The following NCKAP5L variants were observed in gnomAD, a reference collection of about 807,000 sequenced individuals.
The protein encoded by NCKAP5L is nck-associated protein 5-like.
A neutral mutation model predicts 103.2 loss-of-function variants in NCKAP5L; 54 were observed. The ratio of observed to expected loss-of-function variants is 0.52; its 90% CI spans 0.42 to 0.66. The LOEUF (loss-of-function observed/expected upper bound fraction) is 0.66. Among genes scored for constraint, NCKAP5L ranks in the 30% least tolerant of loss-of-function variants. The probability of loss-of-function intolerance (pLI) is 0.00; values close to 1 mark genes in which losing one functional copy is unlikely to be tolerated. For missense variants in NCKAP5L, 1,733 were observed against 1,750.6 expected (o/e 0.99, Z 0.18); for synonymous variants, 762 against 748.6 (o/e 1.02, Z -0.29).
Position 49,796,534 on chromosome 12 carries a change from C to G in NCKAP5L, c.1326G>C (p.Gly442=). The G allele has an allele frequency of 6.3e-7, 1 of 1,576,764 alleles. No individual in the cohort carries two copies. The highest frequency in any genetic ancestry group is 1.9e-5 in the Admixed American group (1 of 53,122). Residue 442 remains glycine (G), a synonymous_variant, in exon 8 of 13, where the codon GGG becomes GGC. Coordinates refer to ENST00000335999, the MANE Select transcript of NCKAP5L (RefSeq NM_001037806.4). The part of the protein sequence containing the change: ...SKLQIGPPSP[G]EAQGPLLPSP... The stretch of plus-strand genomic sequence containing the variant: ...AGGGCAGAAGGGGTCCCTGAGCTTC[C>G]CCAGGAGAAGGGGGGCCAATTTGGA...
chr12:49,819,816 G>A (rs909658438), intron 1 of NCKAP5L, among the ~76,000 whole-genome samples: 1 of 152,228 alleles, frequency 6.6e-6, no homozygotes, highest in African/African-American at 2.4e-5. Flanking sequence ...AGCTGAAACC[G>A]TTTTTCAGAA....
chr12:49,809,764 G>A (rs931366657), intron 1 of NCKAP5L, among the ~76,000 whole-genome samples: 28 of 152,110 alleles, frequency 1.8e-4, no homozygotes, highest in Non-Finnish European at 7.4e-5. Flanking sequence ...CTTCTAGCCT[G>A]AAAGGGGCCA....
chr12:49,792,073 G>T lies in NCKAP5L; in HGVS notation c.3793-22C>A. 1 of 1,502,988 alleles carries T rather than the reference G, an allele frequency of 6.7e-7. No individual in the cohort carries two copies. The highest frequency in any genetic ancestry group is 2.3e-5 in the East Asian group (1 of 43,306). 93.1% of individuals were successfully genotyped at this position (1,502,988 alleles called of 1,614,324 possible). A position where few individuals can be genotyped will look rare whatever the true frequency, so the allele number is the denominator to read the frequency against. On this transcript the variant is annotated intron_variant, in intron 12 of 12. Coordinates refer to ENST00000335999, the MANE Select transcript of NCKAP5L (RefSeq NM_001037806.4). The surrounding 1 kb of genome is among the most constrained non-coding windows in gnomAD (Gnocchi z 4.5). ...GGGCCTGGGAAAGGAGGGGCAGCTC[G>T]GGAGGAAGCTCCTCTCCACCTTTCG...
chr12:49,816,940 C>T (rs915681834), intron 1 of NCKAP5L, among the ~76,000 whole-genome samples: 5 of 151,856 alleles, frequency 3.3e-5, no homozygotes, highest in Admixed American at 1.3e-4. Context: ...TAGCTGGGGG[C>T]GATTCAGAGA....
At chr12:49,801,718 C>A (rs1946120121) in intron 6 of NCKAP5L, 130 bp downstream of exon 6, 9 of 1,172,392 alleles carry the variant, frequency 7.7e-6, no homozygotes, top group Admixed American at 2.2e-5. Context: ...AGTTTCCATA[C>A]CCCCAGAATG....
chr12:49,793,804 G>T lies in NCKAP5L; in HGVS notation c.3188C>A (p.Pro1063His). The change falls in exon 9 of 13, where the codon CCC becomes CAC. Residue 1063 changes from proline to histidine, a missense_variant. Pro to His is a moderately conservative substitution (Grantham distance 77). Transcript: ENST00000335999. The stretch of plus-strand genomic sequence containing the variant: ...ATTCCGGGGCCCACAGGCTGGCCAG[G>T]GGCTCTTGGGGTCAGAAGACACCGG... ...FQPVSSDPKSPWPACGPRNGL... is the reference protein window; with the variant it reads ...FQPVSSDPKSHWPACGPRNGL... The T allele has an allele frequency of 6.2e-7, 1 of 1,602,662 alleles. No homozygotes were observed. The highest frequency in any genetic ancestry group is 8.5e-7 in the Non-Finnish European group (1 of 1,174,690).
chr12:49,791,683 G>T lies in NCKAP5L; in HGVS notation c.*156C>A. 1 of 612,910 alleles carries T rather than the reference G, an allele frequency of 1.6e-6. No homozygotes were observed. Among genetic ancestry groups the T allele is most frequent in the Non-Finnish European group, 2.8e-6 (1 of 361,082 alleles). The allele number at this position is 612,910 out of a possible 1,614,324, so 38.0% of individuals were successfully genotyped here. On this transcript the variant is annotated 3_prime_UTR_variant, in exon 13 of 13. Coordinates refer to ENST00000335999, the MANE Select transcript of NCKAP5L (RefSeq NM_001037806.4). Reference sequence around the variant, plus strand: ...CATCTCATCCGCCGAAGCAGTGGGTGGTGGGGTGTGCCAGGGACCCCCTTT... The same window carrying T: ...CATCTCATCCGCCGAAGCAGTGGGTTGTGGGGTGTGCCAGGGACCCCCTTT...
At chr12:49,821,408 T>C (rs1226185116) in intron 1 of NCKAP5L, among the ~76,000 whole-genome samples, 1 of 152,180 alleles carries the variant, frequency 6.6e-6, no homozygotes, top group Non-Finnish European at 1.5e-5. Flanking sequence ...GGGTCTCCTG[T>C]CTTGGACACA....
chr12:49,822,936 C>T (rs961865732), intron 1 of NCKAP5L, among the ~76,000 whole-genome samples: 1 of 152,152 alleles, frequency 6.6e-6, no homozygotes, highest in Non-Finnish European at 1.5e-5. Context: ...AAGTTGATTT[C>T]CAAAGCTCCT....
At chr12:49,826,078 G>A (rs1357982703) in intron 1 of NCKAP5L, among the ~76,000 whole-genome samples, 1 of 152,050 alleles carries the variant, frequency 6.6e-6, no homozygotes, top group Non-Finnish European at 1.5e-5. Context: ...GCTGGATGAG[G>A]GCGGTGGGGA....
intron 1 of NCKAP5L, among the ~76,000 whole-genome samples, chr12:49,810,680 C>T (rs72644870): frequency 2.0e-5 from 3 of 152,296 alleles, no homozygotes; most frequent in East Asian, 3.9e-4. Context: ...GAGAAGCCAG[C>T]TTCCTTCTAT....
intron 1 of NCKAP5L, among the ~76,000 whole-genome samples, chr12:49,819,156 C>T (rs544376261): frequency 6.6e-6 from 1 of 151,338 alleles, no homozygotes; most frequent in Admixed American, 6.6e-5. Flanking sequence ...ATTAAAACTA[C>T]AAAAAATTAG....
chr12:49,799,196 C>T (rs895960416), intron 6 of NCKAP5L, among the ~76,000 whole-genome samples: 5 of 152,202 alleles, frequency 3.3e-5, no homozygotes, highest in Non-Finnish European at 7.3e-5. Flanking sequence ...CTGCACTACT[C>T]AGCATCTCAT....
At chr12:49,799,635 C>G (rs999806755) in intron 6 of NCKAP5L, among the ~76,000 whole-genome samples, 1 of 152,142 alleles carries the variant, frequency 6.6e-6, no homozygotes, top group Non-Finnish European at 1.5e-5. Flanking sequence ...TTTTCTAAAG[C>G]ATTTTTGTGC....
In NCKAP5L at chr12:49,795,024, C is replaced by T. The variant is rs566493955; in HGVS notation, c.2836G>A (p.Gly946Arg). Residue 946 changes from glycine (G) to arginine (R), a missense_variant, in exon 8 of 13, where the codon GGG becomes AGG. By Grantham distance (125) the Gly-to-Arg change is moderately radical. Coordinates refer to ENST00000335999, the MANE Select transcript of NCKAP5L (RefSeq NM_001037806.4). ...EATKNKEGAG[G>R]GSPLRREVKM... Reference sequence around the variant, plus strand: ...ACTTCCCTCCGGAGCGGGGAGCCCCCGCCAGCCCCCTCCTTGTTCTTGGTG... The same window carrying T: ...ACTTCCCTCCGGAGCGGGGAGCCCCTGCCAGCCCCCTCCTTGTTCTTGGTG... The T allele has an allele frequency of 6.8e-6, 11 of 1,606,738 alleles. No individual in the cohort carries two copies. Among genetic ancestry groups the T allele is most frequent in the Admixed American group, 5.1e-5 (3 of 58,936 alleles).
intron 1 of NCKAP5L, among the ~76,000 whole-genome samples, chr12:49,813,055 AT>A (rs758224262): frequency 2.0e-5 from 3 of 151,954 alleles, no homozygotes; most frequent in Non-Finnish European, 2.9e-5. Flanking sequence ...TTTTTAATTG[AT>A]TTTTCCCCCA....
chr12:49,818,845 C>T (rs2336448), intron 1 of NCKAP5L, among the ~76,000 whole-genome samples: 84,120 of 151,858 alleles, frequency 0.55, 25,351 homozygotes, highest in East Asian at 0.79. Flanking sequence ...TTGTACACCA[C>T]TGGAGGGAAT....
chr12:49,791,535 C>T lies in NCKAP5L; in HGVS notation c.*304G>A. ...GCCCAGCACCACAAGATGGCTCAGC[C>T]TGAAGTAGGGACTGGAGGGCTGCGA... On this transcript the variant is annotated 3_prime_UTR_variant, in exon 13 of 13. Transcript: ENST00000335999. 3.7e-6 allele frequency: 1 copy of T among 266,940 alleles called. No individual in the cohort carries two copies. The highest frequency in any genetic ancestry group is 7.0e-6 in the Non-Finnish European group (1 of 142,180). The allele number at this position is 266,940 out of a possible 1,614,324, so 16.5% of individuals were successfully genotyped here.
In NCKAP5L at chr12:49,796,884, A is replaced by G. The variant is rs3741554; in HGVS notation, c.976T>C (p.Leu326=). 2.5e-6 allele frequency: 4 copies of G among 1,611,688 alleles called. No homozygotes were observed. Among genetic ancestry groups the G allele is most frequent in the Non-Finnish European group, 3.4e-6 (4 of 1,179,378 alleles). ...TLLGALARRQ[L]NLGQLLEDTE... ...TCCTCAAGGAGCTGGCCCAGGTTCA[A>G]CTGTCTGCGGGCCAGGGCACCGAGC... Residue 326 remains leucine, a synonymous_variant, in exon 8 of 13, where the codon TTG becomes CTG. Coordinates refer to ENST00000335999, the MANE Select transcript of NCKAP5L (RefSeq NM_001037806.4).
Sources: gnomAD v4.1 joint callset for allele counts (sites outside exome capture counted in the v4.1 genomes callset) on GRCh38, gnomAD v4.1.1 for gene constraint, Gnocchi (gnomAD v3.1) non-coding constraint, MANE v1.5 for transcripts, NCBI Gene and HGNC (gene_info 2026-07-23, HGNC 2026-07-21) for gene names.